PTBP2: variants seen among roughly 807,000 people sequenced by gnomAD.
The protein encoded by PTBP2 is polypyrimidine tract binding protein 2.
A neutral mutation model predicts 61.4 loss-of-function variants in PTBP2; 13 were observed. The ratio of observed to expected loss-of-function variants is 0.21; its 90% CI spans 0.14 to 0.34. PTBP2 has a LOEUF of 0.34. PTBP2 is among the 10% of genes least tolerant of loss of function. The probability of loss-of-function intolerance (pLI) is 1.00; values close to 1 mark genes in which losing one functional copy is unlikely to be tolerated. For missense variants in PTBP2, 405 were observed against 642.6 expected (o/e 0.63, Z 4.00); for synonymous variants, 215 against 218.5 (o/e 0.98, Z 0.14).
At chr1:96,767,745 G>A (rs1656898289) in intron 3 of PTBP2, among the ~76,000 whole-genome samples, 1 of 152,100 alleles carries the variant, frequency 6.6e-6, no homozygotes, top group Non-Finnish European at 1.5e-5. Flanking sequence ...TGTTAGATAA[G>A]ATACTACAAA....
chr1:96,751,090 A>G (rs1049286456), intron 2 of PTBP2, among the ~76,000 whole-genome samples: 8 of 152,142 alleles, frequency 5.3e-5, no homozygotes, highest in African/African-American at 1.4e-4. Flanking sequence ...GAGGATTTAT[A>G]GAACGTTTCT....
chr1:96,727,430 G>A (rs1650729004), intron 2 of PTBP2, among the ~76,000 whole-genome samples: 1 of 151,964 alleles, frequency 6.6e-6, no homozygotes, highest in African/African-American at 2.4e-5. Context: ...TGGAAAGTCT[G>A]GATCATGTGA....
downstream of PTBP2, chr1:96,816,838 A>G (rs570339549): frequency 7.2e-5 from 11 of 152,262 alleles, no homozygotes; most frequent in African/African-American, 1.9e-4. Flanking sequence ...CTCAAATAGG[A>G]TAAGTGAAGG....
Position 96,794,929 on chromosome 1 carries a change from T to C in PTBP2, c.904+9675T>C, listed in dbSNP as rs557668893. On this transcript the variant is annotated intron_variant, in intron 8 of 13. Coordinates refer to ENST00000674951, the MANE Select transcript of PTBP2 (RefSeq NM_021190.4). ...AAGGCTATGATGCCAGAAAGTATTA[T>C]GGGACAAGATCTTAAAACCAGTGTT... Among the ~76,000 whole-genome samples, 4 of 152,326 alleles carry C rather than the reference T, an allele frequency of 2.6e-5. No individual in the cohort carries two copies. In the East Asian group the frequency reaches 7.7e-4, roughly 29 times the overall value.
chr1:96,803,446 C>G (rs1379576580), intron 8 of PTBP2, among the ~76,000 whole-genome samples: 1 of 151,418 alleles, frequency 6.6e-6, no homozygotes, highest in Non-Finnish European at 1.5e-5. Context: ...AAAAAAGGTA[C>G]AGGCAAAAAG....
At chr1:96,736,044 G>T (rs959587584) in intron 2 of PTBP2, among the ~76,000 whole-genome samples, 18 of 152,098 alleles carry the variant, frequency 1.2e-4, no homozygotes, top group Admixed American at 3.3e-4. Context: ...AGAAGATAGT[G>T]GAATAATATT....
chr1:96,756,151 C>T (rs530378925), intron 3 of PTBP2, among the ~76,000 whole-genome samples: 2 of 152,276 alleles, frequency 1.3e-5, no homozygotes, highest in African/African-American at 2.4e-5. Context: ...GTAATCCCAG[C>T]GCTTTGGGAA....
chr1:96,810,669 C>CT (rs1422834381), intron 11 of PTBP2, among the ~76,000 whole-genome samples: 2 of 152,092 alleles, frequency 1.3e-5, no homozygotes, highest in Non-Finnish European at 2.9e-5. Flanking sequence ...ATTTAGACAG[C>CT]TTTTTTTCTG....
At chr1:96,815,374 T>A (rs953501649), downstream of PTBP2, 1 of 152,174 alleles carries the variant, frequency 6.6e-6, no homozygotes, top group African/African-American at 2.4e-5. Flanking sequence ...GCAGCATATC[T>A]GCATATCAGC....
At chr1:96,786,291 G>A (rs1295294680) in intron 8 of PTBP2, among the ~76,000 whole-genome samples, 2 of 152,084 alleles carry the variant, frequency 1.3e-5, no homozygotes, top group Non-Finnish European at 2.9e-5. Context: ...TAACTAATAA[G>A]AATTAACTAC....
intron 3 of PTBP2, among the ~76,000 whole-genome samples, chr1:96,764,511 T>C (rs1465961523): frequency 6.6e-6 from 1 of 152,238 alleles, no homozygotes; most frequent in Non-Finnish European, 1.5e-5. Context: ...ATTGTTACTC[T>C]GTAATAGCAG....
chr1:96,766,018 C>T (rs531983793), intron 3 of PTBP2, among the ~76,000 whole-genome samples: 26 of 152,140 alleles, frequency 1.7e-4, no homozygotes, highest in Middle Eastern at 3.4e-3. Context: ...TGATCCTTGC[C>T]GACACCCATT....
At chr1:96,772,583 C>CGAGG (rs1274303354) in intron 5 of PTBP2, among the ~76,000 whole-genome samples, 1 of 152,258 alleles carries the variant, frequency 6.6e-6, no homozygotes, top group East Asian at 1.9e-4. Context: ...ACTCCTCCCT[C>CGAGG]CCCCAGCCTC....
intron 2 of PTBP2, among the ~76,000 whole-genome samples, chr1:96,748,875 C>T (rs1341696971): frequency 6.6e-6 from 1 of 152,086 alleles, no homozygotes; most frequent in Non-Finnish European, 1.5e-5. Flanking sequence ...AGTGCTGAAT[C>T]ACTTCTTTTG....
chr1:96,748,151 C>T (rs368188260), intron 2 of PTBP2, among the ~76,000 whole-genome samples: 5 of 152,074 alleles, frequency 3.3e-5, no homozygotes, highest in African/African-American at 1.2e-4. Context: ...GTCTTTCTGT[C>T]ATGGTTCCCT....
chr1:96,812,988 A>T, intron 12 of PTBP2, 41 bp from the exon 13 acceptor site: 1 of 1,594,864 alleles, frequency 6.3e-7, no homozygotes, highest in Non-Finnish European at 8.6e-7. Flanking sequence ...TATGAAATTT[A>T]TTCTTAATCT....
intron 8 of PTBP2, among the ~76,000 whole-genome samples, chr1:96,796,288 A>G (rs1045289674): frequency 1.9e-3 from 248 of 127,596 alleles, no homozygotes; most frequent in African/African-American, 5.6e-3. Context: ...CCCCGTCTCC[A>G]CCAAAAAAAA....
chr1:96,735,932 A>G (rs149327670), intron 2 of PTBP2, among the ~76,000 whole-genome samples: 101 of 152,296 alleles, frequency 6.6e-4, no homozygotes, highest in African/African-American at 2.3e-3. Context: ...AAAAGAGCAG[A>G]GCACCAAAGA....
intron 2 of PTBP2, chr1:96,751,139 A>C (rs1251805383): frequency 4.9e-6 from 2 of 408,510 alleles, no homozygotes. Flanking sequence ...TTGTTTGTAA[A>C]CAATTGAGAT....
Sources: gnomAD v4.1 joint callset for allele counts (sites outside exome capture counted in the v4.1 genomes callset) on GRCh38, gnomAD v4.1.1 for gene constraint, MANE v1.5 for transcripts, NCBI Gene and HGNC (gene_info 2026-07-23, HGNC 2026-07-21) for gene names.